GLIS3: variants seen among roughly 807,000 people sequenced by gnomAD.
GLIS3 encodes zinc finger protein GLIS3.
Under a neutral mutation model 78.6 loss-of-function variants are expected in GLIS3, and 53 were observed. The observed-to-expected ratio is 0.67, with a 90% CI of 0.54 to 0.85. The LOEUF is 0.85. GLIS3 is among the 40% of genes least tolerant of loss of function. The pLI is 0.00. For synonymous variants in GLIS3, 684 were observed against 509.9 expected (o/e 1.34, Z -4.60); for missense variants, 1,703 against 1,231.1 (o/e 1.38, Z -5.74).
In GLIS3 at chr9:4,141,254, G is replaced by A. The variant is rs78414183; in HGVS notation, c.389-15313C>T. On this transcript the variant is annotated intron_variant, in intron 2 of 10. Transcript: ENST00000381971. Reference sequence around the variant, plus strand: ...GGTGGGATTGCCCAAAGTCTGGGAAGAACAACAGTTTGATGGTCCCTGAGT... The same window carrying A: ...GGTGGGATTGCCCAAAGTCTGGGAAAAACAACAGTTTGATGGTCCCTGAGT... 3.5e-4 allele frequency among the ~76,000 whole-genome samples: 54 copies of A among 152,306 alleles called. 1 individual carries two copies. In the East Asian group the frequency reaches 7.5e-3, roughly 21 times the overall value.
chr9:4,116,077 C>G (rs548237278), intron 4 of GLIS3, among the ~76,000 whole-genome samples: 1 of 152,298 alleles, frequency 6.6e-6, no homozygotes, highest in African/African-American at 2.4e-5. Flanking sequence ...CTTTGCAAAG[C>G]CTGGCAACAG....
At chr9:4,353,544 TTG>T in the GLIS3 span, among the ~76,000 whole-genome samples, 1 of 152,164 alleles carries the variant, frequency 6.6e-6, no homozygotes, top group African/African-American at 2.4e-5. Context: ...GCATGTGTAC[TTG>T]TGTGTTGACA....
chr9:3,973,071 C>G (rs907666333), intron 4 of GLIS3, among the ~76,000 whole-genome samples: 9 of 152,238 alleles, frequency 5.9e-5, no homozygotes, highest in African/African-American at 2.2e-4. Context: ...CTGAAGCTAT[C>G]ATATTCATAG....
At chr9:4,328,886 G>A (rs1379481401) in intron 2 of GLIS3, among the ~76,000 whole-genome samples, 1 of 152,220 alleles carries the variant, frequency 6.6e-6, no homozygotes, top group African/African-American at 2.4e-5. Flanking sequence ...GAAGAGGAGT[G>A]TGACTCAGCT....
At chr9:4,479,546 G>A in the GLIS3 span, among the ~76,000 whole-genome samples, 1 of 152,130 alleles carries the variant, frequency 6.6e-6, no homozygotes, top group Admixed American at 6.5e-5. Flanking sequence ...AGGTTCCCTA[G>A]ACTCTAAGGA....
At position 4,294,915 on chromosome 9, in the gene GLIS3, C is replaced by A. The variant is rs1816348529; in HGVS notation, c.-99+4506G>T. ...AAGTGAAATATACAATTATAACCCACATCTATAATTTACTGCCTGAATAAA... is the reference window on the plus strand; with the variant it reads ...AAGTGAAATATACAATTATAACCCAAATCTATAATTTACTGCCTGAATAAA... On this transcript the variant is annotated intron_variant, in intron 1 of 10. Transcript: ENST00000381971. Among the ~76,000 whole-genome samples, 2 of 152,194 alleles carry A rather than the reference C, an allele frequency of 1.3e-5. 1 individual carries two copies. The highest frequency in any genetic ancestry group is 4.1e-4 in the South Asian group (2 of 4,826).
chr9:4,321,191 C>A (rs187717698), intron 2 of GLIS3, among the ~76,000 whole-genome samples: 50 of 149,384 alleles, frequency 3.3e-4, no homozygotes, highest in Non-Finnish European at 2.1e-4. Flanking sequence ...GAGGCCGAGG[C>A]GGGCGGATCA....
At chr9:4,035,764 C>T (rs1363853615) in intron 4 of GLIS3, 1 of 152,356 alleles carries the variant, frequency 6.6e-6, no homozygotes, top group Non-Finnish European at 1.5e-5. Context: ...TGCCTTCCAC[C>T]ACATCGGTCT....
the GLIS3 span, among the ~76,000 whole-genome samples, chr9:4,483,184 T>A: frequency 6.8e-6 from 1 of 147,646 alleles, no homozygotes; most frequent in Non-Finnish European, 1.5e-5. Flanking sequence ...TGATGCTTCA[T>A]ATACTATATC....
intron 4 of GLIS3, among the ~76,000 whole-genome samples, chr9:4,015,370 C>A (rs564816): frequency 0.063 from 9,537 of 152,166 alleles, 909 homozygotes; most frequent in African/African-American, 0.21. Flanking sequence ...GGTTCTTTCA[C>A]AAAATGTTAA....
At chr9:3,923,084 T>C (rs1418262570) in intron 6 of GLIS3, among the ~76,000 whole-genome samples, 2 of 152,238 alleles carry the variant, frequency 1.3e-5, no homozygotes, top group Non-Finnish European at 2.9e-5. Context: ...ATAGCATGGC[T>C]GGGTGTAGTC....
chr9:4,145,346 G>A (rs1291959312), intron 2 of GLIS3, among the ~76,000 whole-genome samples: 1 of 152,170 alleles, frequency 6.6e-6, no homozygotes, highest in Non-Finnish European at 1.5e-5. Flanking sequence ...GCTGGTAAAT[G>A]AAAAACTACA....
chr9:4,103,463 T>A (rs1246720626), intron 4 of GLIS3, among the ~76,000 whole-genome samples: 2 of 152,108 alleles, frequency 1.3e-5, no homozygotes, highest in Admixed American at 1.3e-4. Context: ...CCAAATTCAC[T>A]GAGAGATTAA....
chr9:4,328,614 G>C lies in GLIS3; in HGVS notation n.265-18086C>G, dbSNP rs1817637294. On this transcript the variant is annotated intron_variant and non_coding_transcript_variant, in intron 2 of 4. Transcript: ENST00000471664. ...GACTTCTGAACCAAATCATGATTAT[G>C]TATGTTAAGAAGCAAGGAAGTCGTC... Among the ~76,000 whole-genome samples the C allele has an allele frequency of 1.3e-5, 2 of 152,352 alleles. 1 individual carries two copies. Among genetic ancestry groups the C allele is most frequent in the Middle Eastern group, 6.8e-3 (2 of 294 alleles).
intron 2 of GLIS3, among the ~76,000 whole-genome samples, chr9:4,324,732 T>C (rs900323740): frequency 6.6e-6 from 1 of 152,208 alleles, no homozygotes; most frequent in Non-Finnish European, 1.5e-5. Flanking sequence ...GCAAGCACCA[T>C]TTTCTGTAAA....
chr9:3,905,397 C>A (rs1823627589), intron 6 of GLIS3, among the ~76,000 whole-genome samples: 1 of 152,086 alleles, frequency 6.6e-6, no homozygotes, highest in South Asian at 2.1e-4. Context: ...TACCTTATCA[C>A]CACTGTGTAT....
rs764124995 is a variant in GLIS3 at position 4,153,138 on chromosome 9, A to C, written c.389-27197T>G. 6.6e-5 allele frequency among the ~76,000 whole-genome samples: 10 copies of C among 152,350 alleles called. No individual in the cohort carries two copies. The South Asian group carries it at 8.3e-4, about 13-fold the overall frequency. On this transcript the variant is annotated intron_variant, in intron 2 of 10. Transcript: ENST00000381971. ...GTCTAGACATTGCCAAATGTCCCCA[A>C]GGAGCAATATCATGCAGAGAGAAAA...
the GLIS3 span, among the ~76,000 whole-genome samples, chr9:4,370,080 T>A: frequency 1.4e-5 from 2 of 147,838 alleles, no homozygotes; most frequent in African/African-American, 5.0e-5. Flanking sequence ...TTATCCCAGC[T>A]ACTCAGGAGG....
intron 2 of GLIS3, among the ~76,000 whole-genome samples, chr9:4,155,614 GC>G (rs1186905644): frequency 6.6e-6 from 1 of 152,104 alleles, no homozygotes. Context: ...TTAACCAAAA[GC>G]CCTCCTGAAT....
Sources: gnomAD v4.1 joint callset for allele counts (sites outside exome capture counted in the v4.1 genomes callset) on GRCh38, gnomAD v4.1.1 for gene constraint, MANE v1.5 for transcripts, NCBI Gene and HGNC (gene_info 2026-07-23, HGNC 2026-07-21) for gene names.